Variants in SLC8A1 observed in about 807,000 individuals in gnomAD.
The protein encoded by SLC8A1 is solute carrier family 8 member A1.
Under a neutral mutation model 68.3 loss-of-function variants are expected in SLC8A1, and 18 were observed. That is an observed-to-expected ratio of 0.26 (90% confidence interval 0.18 to 0.39). The LOEUF (loss-of-function observed/expected upper bound fraction) is 0.39, where lower values mean the gene tolerates loss of function less well. SLC8A1 is among the 10% of genes least tolerant of loss of function. SLC8A1 has a pLI of 1.00. For missense variants in SLC8A1, 985 were observed against 1,156.7 expected, an observed-to-expected ratio of 0.85 and a Z score of 2.15; for synonymous variants, 475 against 415.5, an observed-to-expected ratio of 1.14 and a Z score of -1.74.
At chr2:40,494,640 A>AT (rs1705555684) in intron 1 of SLC8A1, among the ~76,000 whole-genome samples, 13 of 92,656 alleles carry the variant, frequency 1.4e-4, no homozygotes, top group South Asian at 4.5e-4. Flanking sequence ...CTTAAAGTAT[A>AT]ATATATATAT....
intron 1 of SLC8A1, among the ~76,000 whole-genome samples, chr2:40,511,286 T>G (rs559477213): frequency 6.6e-6 from 1 of 152,174 alleles, no homozygotes; most frequent in African/African-American, 2.4e-5. Context: ...CTTGTGTAAA[T>G]TTTTTTAATT....
chr2:40,197,366 G>A lies in SLC8A1; in HGVS notation c.1809-19511C>T, dbSNP rs553900727. ...TATAATTTTATGGTGCAGTGTCTACGGCTGGAAATGCAACTAGCAAACCAC... is the reference window on the plus strand; with the variant it reads ...TATAATTTTATGGTGCAGTGTCTACAGCTGGAAATGCAACTAGCAAACCAC... On this transcript the variant is annotated intron_variant, in intron 2 of 7. Coordinates refer to ENST00000406785, the Ensembl canonical transcript of SLC8A1. Among the ~76,000 whole-genome samples the A allele has an allele frequency of 7.2e-5, 11 of 152,010 alleles. 1 individual carries two copies. In the South Asian group the frequency reaches 1.9e-3, roughly 26 times the overall value.
chr2:40,252,965 G>GTATATACATATATACA (rs1407022512), intron 2 of SLC8A1, among the ~76,000 whole-genome samples: 1 of 106,468 alleles, frequency 9.4e-6, no homozygotes, highest in African/African-American at 3.4e-5. Flanking sequence ...GTGTGTATAT[G>GTATATACATATATACA]TATGTACATA....
At chr2:40,436,995 G>C (rs74514651) in intron 1 of SLC8A1, among the ~76,000 whole-genome samples, 1,577 of 152,116 alleles carry the variant, frequency 0.01, 24 homozygotes, top group African/African-American at 0.037. Context: ...CTTGTCCCAG[G>C]TACTGTGCTA....
At chr2:40,485,656 A>G (rs1704917699) in intron 1 of SLC8A1, among the ~76,000 whole-genome samples, 1 of 152,116 alleles carries the variant, frequency 6.6e-6, no homozygotes, top group African/African-American at 2.4e-5. Flanking sequence ...CACACTAAAA[A>G]TGGAATACTC....
At chr2:40,234,491 G>C (rs932414854) in intron 2 of SLC8A1, among the ~76,000 whole-genome samples, 1 of 152,140 alleles carries the variant, frequency 6.6e-6, no homozygotes, top group African/African-American at 2.4e-5. Flanking sequence ...AGCTTAAGGA[G>C]ATTTTGGGCT....
chr2:40,473,349 T>C (rs1307933399), intron 1 of SLC8A1, among the ~76,000 whole-genome samples: 1 of 152,164 alleles, frequency 6.6e-6, no homozygotes, highest in African/African-American at 2.4e-5. Flanking sequence ...GCCTCTTCAA[T>C]TGCTTCTGGG....
In SLC8A1 at chr2:40,347,012, T is replaced by C. The variant is rs1297962513; in HGVS notation, c.1808+81461A>G. 3.3e-5 allele frequency among the ~76,000 whole-genome samples: 5 copies of C among 152,170 alleles called. No homozygotes were observed. The East Asian group carries it at 7.7e-4, about 23-fold the overall frequency. On this transcript the variant is annotated intron_variant, in intron 2 of 7. Transcript: ENST00000406785. ...TGTTTCCCACATCTCCTTTTGTACA[T>C]ACATCAAAGCACAGCATGTGACAGA...
chr2:40,508,980 T>G (rs1243882756), intron 1 of SLC8A1, among the ~76,000 whole-genome samples: 1 of 152,130 alleles, frequency 6.6e-6, no homozygotes, highest in Non-Finnish European at 1.5e-5. Context: ...TCAGAGTTGA[T>G]AACCACGGCT....
chr2:40,141,441 CT>C (rs1477727905), intron 6 of SLC8A1, among the ~76,000 whole-genome samples: 2 of 152,316 alleles, frequency 1.3e-5, no homozygotes, highest in East Asian at 3.9e-4. Context: ...CTTTGGGCGT[CT>C]GTGAAGAAAG....
intron 2 of SLC8A1, among the ~76,000 whole-genome samples, chr2:40,425,815 T>C (rs1696705073): frequency 6.6e-6 from 1 of 151,888 alleles, no homozygotes; most frequent in African/African-American, 2.4e-5. Context: ...AAAAAAATAA[T>C]GTTTTCTAAG....
chr2:40,398,690 A>T (rs1687770481), intron 2 of SLC8A1, among the ~76,000 whole-genome samples: 4 of 152,216 alleles, frequency 2.6e-5, no homozygotes, highest in Admixed American at 2.6e-4. Context: ...TTCATTTGAA[A>T]CATTCTTTTA....
At chr2:40,430,432 C>A (rs1346293676) in intron 1 of SLC8A1, 128 bp from the exon 2 acceptor site, 2 of 945,446 alleles carry the variant, frequency 2.1e-6, no homozygotes, top group South Asian at 1.8e-5. Flanking sequence ...CATCACAAAA[C>A]CGAAATTTGT....
At chr2:40,464,181 C>A (rs1703523205) in intron 1 of SLC8A1, among the ~76,000 whole-genome samples, 1 of 152,104 alleles carries the variant, frequency 6.6e-6, no homozygotes, top group African/African-American at 2.4e-5. Context: ...AGGCTTAAGC[C>A]ACCACACCTG....
chr2:40,284,394 C>T (rs2067967583), intron 2 of SLC8A1, among the ~76,000 whole-genome samples: 1 of 145,710 alleles, frequency 6.9e-6, no homozygotes, highest in Non-Finnish European at 1.5e-5. Flanking sequence ...ATGATATATA[C>T]ATACACATAT....
At chr2:40,117,188 G>A (rs968917207) in intron 7 of SLC8A1, among the ~76,000 whole-genome samples, 5 of 151,994 alleles carry the variant, frequency 3.3e-5, no homozygotes, top group African/African-American at 9.7e-5. Context: ...ATAGCTTCCT[G>A]TATTAAGCAT....
At chr2:40,278,576 C>T (rs536984888) in intron 2 of SLC8A1, among the ~76,000 whole-genome samples, 2 of 152,220 alleles carry the variant, frequency 1.3e-5, no homozygotes, top group South Asian at 4.2e-4. Flanking sequence ...TTCACATGTG[C>T]AAATAAAAGG....
At chr2:40,507,284 C>G (rs374504748) in intron 1 of SLC8A1, among the ~76,000 whole-genome samples, 2 of 151,696 alleles carry the variant, frequency 1.3e-5, no homozygotes, top group Admixed American at 6.6e-5. Flanking sequence ...ATACGTTGAT[C>G]GAAACATGAT....
At chr2:40,190,189 G>A (rs978176358) in intron 2 of SLC8A1, among the ~76,000 whole-genome samples, 5 of 152,148 alleles carry the variant, frequency 3.3e-5, no homozygotes, top group Admixed American at 3.3e-4. Context: ...CCATTCCCAA[G>A]TTTGTCATCA....
Sources: allele counts gnomAD v4.1 joint callset (sites outside exome capture counted in the v4.1 genomes callset), GRCh38; gene constraint gnomAD v4.1.1; transcripts MANE v1.5; gene names NCBI Gene and HGNC (gene_info 2026-07-23, HGNC 2026-07-21).